CDR2L: variants seen among roughly 807,000 people sequenced by gnomAD.
CDR2L encodes cerebellar degeneration related protein 2 like.
In CDR2L, 19 loss-of-function variants were observed where a neutral mutation model predicts 36.1. That is an observed-to-expected ratio of 0.53 (90% CI 0.37 to 0.77). CDR2L has a LOEUF of 0.77. Among genes scored for constraint, CDR2L ranks in the 30% least tolerant of loss-of-function variants. CDR2L has a pLI of 0.00. For missense variants in CDR2L, 575 were observed against 627.2 expected (o/e 0.92, Z 0.89); for synonymous variants, 285 against 280.4 (o/e 1.02, Z -0.16).
chr17:74,988,128 C>A lies in CDR2L; in HGVS notation c.79+6C>A. ...CCAGCAGGACCTGGAGCAGGGTGAG[C>A]GCGGGGGCGACCGGGACAGGAAGGC... On this transcript the variant is annotated splice_donor_region_variant and intron_variant, in intron 1 of 4. Transcript: ENST00000337231. 1 of 1,524,998 alleles carries A rather than the reference C, an allele frequency of 6.6e-7. No homozygotes were observed. 94.5% of individuals were successfully genotyped at this position (1,524,998 alleles called of 1,614,324 possible). A position where few individuals can be genotyped will look rare whatever the true frequency, so the allele number is the denominator to read the frequency against.
intron 1 of CDR2L, among the ~76,000 whole-genome samples, 177 bp from the exon 2 acceptor site, chr17:74,999,327 A>ACACACACACAC (rs879520803): frequency 6.1e-5 from 6 of 97,964 alleles, no homozygotes; most frequent in Non-Finnish European, 1.3e-4. Flanking sequence ...GACACACACA[A>ACACACACACAC]AAAGAACATT....
chr17:74,999,486 G>T lies in CDR2L; in HGVS notation c.80-18G>T. 2 of 1,507,710 alleles carry T rather than the reference G, an allele frequency of 1.3e-6. No homozygotes were observed. Among genetic ancestry groups the T allele is most frequent in the Non-Finnish European group, 1.8e-6 (2 of 1,108,258 alleles). The allele number at this position is 1,507,710 out of a possible 1,614,324, so 93.4% of individuals were successfully genotyped here. A position where few individuals can be genotyped will look rare whatever the true frequency, so the allele number is the denominator to read the frequency against. ...GTCCTCTGCCTTTGTTCTCATGCTC[G>T]TGTTTCTCCTATCCTAGACTTGCAC... On this transcript the variant is annotated intron_variant, in intron 1 of 4. Transcript: ENST00000337231.
Position 75,003,552 on chromosome 17 carries a change from CG to C in CDR2L, c.880del (p.Asp294ThrfsTer78). 1 of 1,511,244 alleles carries C rather than the reference CG, an allele frequency of 6.6e-7. No individual in the cohort carries two copies. Among genetic ancestry groups the C allele is most frequent in the Non-Finnish European group, 8.9e-7 (1 of 1,128,198 alleles). 93.6% of individuals were successfully genotyped at this position (1,511,244 alleles called of 1,614,324 possible). On this transcript the variant is annotated frameshift_variant, in exon 5 of 5. Transcript: ENST00000337231. LOFTEE classifies it high-confidence loss of function. The stretch of plus-strand genomic sequence containing the variant: ...AGGCCGACGATCCCCAGCCCGGCCG[CG>C]GGGACGACTTGGGCGCCCAGGACGG... Reference protein sequence around the residue: ...PEADDPQPGRGDDLGAQDGVS... With the variant: ...PEADDPQPGRXDDLGAQDGVS...
At chr17:74,990,795 C>T (rs879483481) in intron 1 of CDR2L, among the ~76,000 whole-genome samples, 25 of 152,328 alleles carry the variant, frequency 1.6e-4, no homozygotes, top group Admixed American at 1.4e-3. Flanking sequence ...GGACGGAGCA[C>T]GGGCCAAAGG....
At chr17:74,999,072 G>C (rs555932004) in intron 1 of CDR2L, among the ~76,000 whole-genome samples, 2 of 152,280 alleles carry the variant, frequency 1.3e-5, no homozygotes, top group Admixed American at 1.3e-4. Flanking sequence ...GGACACTCCA[G>C]CTTGGCCTGG....
intron 1 of CDR2L, among the ~76,000 whole-genome samples, chr17:74,993,321 A>G (rs531089202): frequency 1.3e-5 from 2 of 151,594 alleles, no homozygotes; most frequent in Non-Finnish European, 2.9e-5. Context: ...TCCATCGCCC[A>G]GGCTGGAGTT....
intron 1 of CDR2L, among the ~76,000 whole-genome samples, chr17:74,997,147 C>T (rs192079195): frequency 2.2e-4 from 33 of 148,996 alleles, no homozygotes; most frequent in African/African-American, 8.1e-4. Flanking sequence ...GGCACGATCT[C>T]GGCTCACTGC....
Position 74,999,325 on chromosome 17 carries a change from C to A in CDR2L, c.80-179C>A, listed in dbSNP as rs76241337. ...ACACACACACACACACAGACACACA[C>A]AAAAAGAACATTCCAGGCAGAAATA... On this transcript the variant is annotated intron_variant, in intron 1 of 4. Transcript: ENST00000337231. Among the ~76,000 whole-genome samples the A allele has an allele frequency of 4.5e-4, 68 of 151,090 alleles. No individual in the cohort carries two copies. In the East Asian group the frequency reaches 9.1e-3, roughly 20 times the overall value.
In CDR2L at chr17:75,005,398, G is replaced by C. The variant is rs1328380442; in HGVS notation, c.*1324G>C. ...GAGCCATACAGTCAGTGGAAGGCGG[G>C]GGGGCCCTGGCCTCTGCACCGGGAT... On this transcript the variant is annotated 3_prime_UTR_variant, in exon 5 of 5. Coordinates refer to ENST00000337231, the MANE Select transcript of CDR2L (RefSeq NM_014603.3). The surrounding 1 kb of genome is among the most constrained non-coding windows in gnomAD (Gnocchi z 4.2). The C allele has an allele frequency of 6.5e-6, 1 of 152,798 alleles. No homozygotes were observed. The highest frequency in any genetic ancestry group is 1.5e-5 in the Non-Finnish European group (1 of 68,178). 9.5% of individuals were successfully genotyped at this position (152,798 alleles called of 1,614,324 possible).
intron 1 of CDR2L, 111 bp downstream of exon 1, chr17:74,988,233 C>T (rs935687482): frequency 4.3e-6 from 3 of 698,086 alleles, no homozygotes; most frequent in Non-Finnish European, 6.6e-6. Context: ...GGACCGGGCG[C>T]GCCCGACTCG....
chr17:74,990,991 A>G (rs1225430331), intron 1 of CDR2L, among the ~76,000 whole-genome samples: 1 of 152,148 alleles, frequency 6.6e-6, no homozygotes, highest in Non-Finnish European at 1.5e-5. Flanking sequence ...CAGAAGCTTG[A>G]CTGTAGAGAT....
In CDR2L at chr17:75,002,163, G is replaced by C. The variant is rs776670865; in HGVS notation, c.441G>C (p.Glu147Asp). ...RGLEQLRVLR[E>D]KRERRRTIHT... Reference sequence around the variant, plus strand: ...TGGAACAGCTGCGAGTGCTCCGGGAGAAGCGGGAACGCAGGCGTACCATCC... The same window carrying C: ...TGGAACAGCTGCGAGTGCTCCGGGACAAGCGGGAACGCAGGCGTACCATCC... The change falls in exon 4 of 5, where the codon GAG becomes GAC. Residue 147 changes from glutamate (E) to aspartate (D), a missense_variant. By Grantham distance (45) the Glu-to-Asp change is conservative. Coordinates refer to ENST00000337231, the MANE Select transcript of CDR2L (RefSeq NM_014603.3). This position sits in a 1 kb window ranked among gnomAD's most constrained non-coding sequence, Gnocchi z 4.1. The C allele has an allele frequency of 1.9e-6, 3 of 1,608,444 alleles. No individual in the cohort carries two copies. The highest frequency in any genetic ancestry group is 1.1e-5 in the South Asian group (1 of 89,934).
At chr17:74,991,406 T>TAA (rs36002396) in intron 1 of CDR2L, among the ~76,000 whole-genome samples, 1,678 of 103,536 alleles carry the variant, frequency 0.016, 61 homozygotes, top group African/African-American at 0.05. Flanking sequence ...ACTCTGTCTT[T>TAA]AAAAAAAAAA....
chr17:74,994,360 T>C (rs1367204057), intron 1 of CDR2L, among the ~76,000 whole-genome samples: 2 of 152,184 alleles, frequency 1.3e-5, no homozygotes. Flanking sequence ...ATCGTCAGCC[T>C]AGATTGAGAG....
At position 75,003,467 on chromosome 17, in the gene CDR2L, T is replaced by A; in HGVS notation, c.791T>A (p.Leu264Gln). The A allele has an allele frequency of 6.4e-7, 1 of 1,574,116 alleles. No individual in the cohort carries two copies. The highest frequency in any genetic ancestry group is 1.2e-5 in the South Asian group (1 of 85,576). Residue 264 changes from leucine to glutamine, a missense_variant, in exon 5 of 5, where the codon CTA becomes CAA. Leu to Gln is a moderately radical substitution (Grantham distance 113). Coordinates refer to ENST00000337231, the MANE Select transcript of CDR2L (RefSeq NM_014603.3). ...CAGATGAAGCAGGCCAAGACCTACC[T>A]ACTGGGTCCGGACGACCACCTGGCC... is the stretch of plus-strand genomic sequence containing the variant. ...LQQMKQAKTY[L>Q]LGPDDHLAEA...
chr17:74,993,826 C>A (rs145735379), intron 1 of CDR2L, among the ~76,000 whole-genome samples: 1 of 152,320 alleles, frequency 6.6e-6, no homozygotes, highest in African/African-American at 2.4e-5. Flanking sequence ...CAGGGCCCTC[C>A]TTTGGCTAAA....
chr17:75,003,303 G>A lies in CDR2L; in HGVS notation c.627G>A (p.Glu209=), dbSNP rs1413773429. Residue 209 remains glutamate, a synonymous_variant, in exon 5 of 5, where the codon GAG becomes GAA. Coordinates refer to ENST00000337231, the MANE Select transcript of CDR2L (RefSeq NM_014603.3). ...CGCTGCGCTCCCAGGTGAGCCAGGAGCGGCAGCGCAAGGAGCGGGCGGAGC... is the reference window on the plus strand; with the variant it reads ...CGCTGCGCTCCCAGGTGAGCCAGGAACGGCAGCGCAAGGAGCGGGCGGAGC... ...VGALRSQVSQ[E]RQRKERAERE... 1 of 1,556,106 alleles carries A rather than the reference G, an allele frequency of 6.4e-7. No homozygotes were observed. The highest frequency in any genetic ancestry group is 8.7e-7 in the Non-Finnish European group (1 of 1,150,782).
rs929972789 is a variant in CDR2L at position 74,989,825 on chromosome 17, G to A, written c.79+1703G>A. ...GGCTAATTTTTGTATTTTTAGTAGA[G>A]ACAGGGTTTCACCATGTTGGCCAGG... On this transcript the variant is annotated intron_variant, in intron 1 of 4. Coordinates refer to ENST00000337231, the MANE Select transcript of CDR2L (RefSeq NM_014603.3). The surrounding 1 kb of genome is among the most constrained non-coding windows in gnomAD (Gnocchi z 4.2). 6.6e-6 allele frequency among the ~76,000 whole-genome samples: 1 copy of A among 152,050 alleles called. No homozygotes were observed. Among genetic ancestry groups the A allele is most frequent in the African/African-American group, 2.4e-5 (1 of 41,400 alleles).
At position 74,987,881 on chromosome 17, in the gene CDR2L, G is replaced by A. The variant is rs1037169330; in HGVS notation, c.-163G>A. ...ACCCTGGCAAAGCGCCAGGCCCCGC[G>A]TGGGCTCCCGGCGAGCGGTTGATGG... On this transcript the variant is annotated 5_prime_UTR_variant, in exon 1 of 5. It adds an upstream start codon to the 5' untranslated region. Coordinates refer to ENST00000337231, the MANE Select transcript of CDR2L (RefSeq NM_014603.3). 9.5e-6 allele frequency: 3 copies of A among 315,078 alleles called. No individual in the cohort carries two copies. The highest frequency in any genetic ancestry group is 6.6e-5 in the African/African-American group (3 of 45,344). 19.5% of individuals were successfully genotyped at this position (315,078 alleles called of 1,614,324 possible).
Sources: gnomAD v4.1 joint callset for allele counts (sites outside exome capture counted in the v4.1 genomes callset) on GRCh38, gnomAD v4.1.1 for gene constraint, Gnocchi (gnomAD v3.1) non-coding constraint, MANE v1.5 for transcripts, NCBI Gene and HGNC (gene_info 2026-07-23, HGNC 2026-07-21) for gene names.